SEC24A: variants seen among roughly 807,000 people sequenced by gnomAD.
The protein encoded by SEC24A is SEC24 homolog A, COPII component.
A neutral mutation model predicts 129.4 loss-of-function variants in SEC24A; 93 were observed. The observed-to-expected ratio is 0.72, with a 90% CI of 0.61 to 0.85. The LOEUF (loss-of-function observed/expected upper bound fraction) is 0.85. SEC24A is among the 40% of genes least tolerant of loss of function. The pLI is 0.00. For missense variants in SEC24A, 1,264 were observed against 1,307.4 expected, an observed-to-expected ratio of 0.97 and a Z score of 0.51; for synonymous variants, 460 against 467.3, an observed-to-expected ratio of 0.98 and a Z score of 0.20.
At chr5:134,693,140 A>C in intron 12 of SEC24A, 1 of 1,534,770 alleles carries the variant, frequency 6.5e-7, no homozygotes, top group Non-Finnish European at 8.7e-7. Context: ...GATGTTGTCT[A>C]CCCTGTACAT....
intron 5 of SEC24A, 127 bp from the exon 6 acceptor site, chr5:134,674,918 A>T (rs181420204): frequency 8.7e-7 from 1 of 1,143,514 alleles, no homozygotes; most frequent in Admixed American, 2.9e-5. Flanking sequence ...CTTTGTCTTT[A>T]TACATTTTTC....
intron 17 of SEC24A, among the ~76,000 whole-genome samples, chr5:134,708,191 T>G (rs1752221504): frequency 6.6e-6 from 1 of 152,090 alleles, no homozygotes; most frequent in African/African-American, 2.4e-5. Context: ...AACTCTGGGC[T>G]GGGCATGGTG....
intron 13 of SEC24A, among the ~76,000 whole-genome samples, chr5:134,695,468 A>G (rs1044612384): frequency 1.4e-4 from 21 of 151,938 alleles, no homozygotes; most frequent in Admixed American, 1.2e-3. Context: ...CCTGGCCAAC[A>G]CGACGAAACC....
At position 134,727,896 on chromosome 5, in the gene SEC24A, T is replaced by C. The variant is rs1022204074; in HGVS notation, c.*2802T>C. 1.3e-5 allele frequency: 2 copies of C among 152,606 alleles called. No homozygotes were observed. Among genetic ancestry groups the C allele is most frequent in the Non-Finnish European group, 2.9e-5 (2 of 68,038 alleles). The allele number at this position is 152,606 out of a possible 1,614,324, so 9.5% of individuals were successfully genotyped here. Reference sequence around the variant, plus strand: ...CAACTTGGCTATTCAATAAAGTTAATTGAAAAGAGCTTATATATAGTGACT... The same window carrying C: ...CAACTTGGCTATTCAATAAAGTTAACTGAAAAGAGCTTATATATAGTGACT... On this transcript the variant is annotated 3_prime_UTR_variant, in exon 23 of 23. Transcript: ENST00000398844.
At chr5:134,717,930 A>G (rs2150112911) in intron 19 of SEC24A, 139 bp from the exon 20 acceptor site, 1 of 594,898 alleles carries the variant, frequency 1.7e-6, no homozygotes, top group East Asian at 2.8e-5. Context: ...AAATAAATAA[A>G]TAAATAAGAA....
chr5:134,679,806 A>T (rs1751202263), intron 8 of SEC24A, 78 bp downstream of exon 8: 5 of 411,974 alleles, frequency 1.2e-5, no homozygotes, highest in Non-Finnish European at 1.8e-5. Flanking sequence ...ATGCACAGTT[A>T]AAAAAAAAAA....
intron 15 of SEC24A, among the ~76,000 whole-genome samples, chr5:134,702,096 T>A (rs1342586613): frequency 6.6e-6 from 1 of 152,234 alleles, no homozygotes; most frequent in South Asian, 2.1e-4. Flanking sequence ...CTGGCTTTTT[T>A]ATTTTTATCA....
rs1474210766 is a variant in SEC24A at position 134,726,581 on chromosome 5, A to G, written c.*1487A>G. 2.0e-5 allele frequency: 3 copies of G among 152,546 alleles called. No homozygotes were observed. The highest frequency in any genetic ancestry group is 2.9e-5 in the Non-Finnish European group (2 of 68,002). The allele number at this position is 152,546 out of a possible 1,614,324, so 9.4% of individuals were successfully genotyped here. A position where few individuals can be genotyped will look rare whatever the true frequency, so the allele number is the denominator to read the frequency against. Reference sequence around the variant, plus strand: ...TACTGCTTGCCAGCTGGATCAAAATAATCATGTTTTATGAAAATATCTCCC... The same window carrying G: ...TACTGCTTGCCAGCTGGATCAAAATGATCATGTTTTATGAAAATATCTCCC... On this transcript the variant is annotated 3_prime_UTR_variant, in exon 23 of 23. Coordinates refer to ENST00000398844, the MANE Select transcript of SEC24A (RefSeq NM_021982.3).
chr5:134,724,817 A>T (rs529772407), intron 22 of SEC24A, among the ~76,000 whole-genome samples, 163 bp from the exon 23 acceptor site: 1 of 152,204 alleles, frequency 6.6e-6, no homozygotes, highest in Non-Finnish European at 1.5e-5. Flanking sequence ...TCCCTTAAAC[A>T]ACTTGAAATT....
chr5:134,689,778 A>C (rs1007134405), intron 11 of SEC24A, among the ~76,000 whole-genome samples: 3 of 152,114 alleles, frequency 2.0e-5, no homozygotes, highest in Admixed American at 6.6e-5. Flanking sequence ...AAAAAAAAAA[A>C]AACGTATAAT....
At chr5:134,699,866 A>G (rs1751950276) in intron 15 of SEC24A, among the ~76,000 whole-genome samples, 1 of 151,378 alleles carries the variant, frequency 6.6e-6, no homozygotes, top group Admixed American at 6.6e-5. Flanking sequence ...ACGCCTGACT[A>G]ATTTTTGTAT....
At chr5:134,679,793 C>A (rs1159823295) in intron 8 of SEC24A, 65 bp downstream of exon 8, 6 of 1,246,204 alleles carry the variant, frequency 4.8e-6, no homozygotes, top group South Asian at 1.9e-5. Context: ...TCAGATGATA[C>A]AAATGCACAG....
intron 9 of SEC24A, among the ~76,000 whole-genome samples, chr5:134,683,539 G>A (rs1265340225): frequency 3.9e-5 from 6 of 151,988 alleles, no homozygotes; most frequent in Non-Finnish European, 8.8e-5. Flanking sequence ...TAGAGAGGAG[G>A]GTCTTACTTT....
intron 17 of SEC24A, 32 bp downstream of exon 17, chr5:134,705,469 C>T: frequency 1.5e-6 from 2 of 1,349,320 alleles, no homozygotes; most frequent in Non-Finnish European, 1.1e-6. Context: ...AAATATCTTA[C>T]AAGTAATAAC....
intron 9 of SEC24A, among the ~76,000 whole-genome samples, chr5:134,686,366 A>C (rs1751452362): frequency 6.6e-6 from 1 of 151,676 alleles, no homozygotes; most frequent in Non-Finnish European, 1.5e-5. Flanking sequence ...TCCCGAGAGT[A>C]GCTGGGACTA....
chr5:134,673,051 A>ATTTT (rs375750332), intron 4 of SEC24A, among the ~76,000 whole-genome samples: 7 of 113,678 alleles, frequency 6.2e-5, no homozygotes, highest in Admixed American at 1.1e-4. Flanking sequence ...CCCATTTAGG[A>ATTTT]TTTTTTTTTT....
At chr5:134,669,883 G>C (rs1750798679) in intron 3 of SEC24A, among the ~76,000 whole-genome samples, 1 of 152,122 alleles carries the variant, frequency 6.6e-6, no homozygotes, top group African/African-American at 2.4e-5. Flanking sequence ...AACTACAGGT[G>C]TGTACCACCA....
rs1221430500 is a variant in SEC24A at position 134,693,058 on chromosome 5, ACT to A, written c.1779+404_1779+405del. 3.9e-6 allele frequency: 6 copies of A among 1,535,564 alleles called. No homozygotes were observed. In the Admixed American group the frequency reaches 5.9e-5, roughly 15 times the overall value. On this transcript the variant is annotated intron_variant, in intron 12 of 22. Transcript: ENST00000398844. Reference sequence around the variant, plus strand: ...TGTCATTGGGGTCAGTTCAGAAGAAACTCTTATTACCTGCCTGGAAATTGCCA... The same window carrying A: ...TGTCATTGGGGTCAGTTCAGAAGAAACTTATTACCTGCCTGGAAATTGCCA...
intron 3 of SEC24A, among the ~76,000 whole-genome samples, chr5:134,671,388 A>C (rs1251643375): frequency 6.6e-6 from 1 of 151,986 alleles, no homozygotes; most frequent in Admixed American, 6.6e-5. Flanking sequence ...TTTGATTTTG[A>C]TAATTTTTTT....
Sources: gnomAD v4.1 joint callset for allele counts (sites outside exome capture counted in the v4.1 genomes callset) on GRCh38, gnomAD v4.1.1 for gene constraint, MANE v1.5 for transcripts, NCBI Gene and HGNC (gene_info 2026-07-23, HGNC 2026-07-21) for gene names.